The following EML1 variants were observed in gnomAD, a reference collection of about 807,000 sequenced individuals.
The protein encoded by EML1 is EMAP like 1, also known as echinoderm microtubule-associated protein-like 1.
In EML1, 27 loss-of-function variants were observed where a neutral mutation model predicts 110.4. The ratio of observed to expected loss-of-function variants is 0.24; its 90% CI spans 0.18 to 0.34. The LOEUF is 0.34. Among genes scored for constraint, EML1 ranks in the 10% least tolerant of loss-of-function variants. EML1 has a pLI of 1.00. For synonymous variants in EML1, 344 were observed against 385.8 expected (o/e 0.89, Z 1.27); for missense variants, 741 against 1,030.9 (o/e 0.72, Z 3.85).
At chr14:99,801,532 G>A (rs546347862) in intron 1 of EML1, among the ~76,000 whole-genome samples, 26 of 151,950 alleles carry the variant, frequency 1.7e-4, no homozygotes, top group Admixed American at 6.6e-4. Flanking sequence ...GGAGAATGGC[G>A]TGAACCCGGG....
In EML1 at chr14:99,914,379, C is replaced by G; in HGVS notation, c.1620+75C>G. On this transcript the variant is annotated intron_variant, in intron 14 of 21. Coordinates refer to ENST00000262233, the MANE Select transcript of EML1 (RefSeq NM_004434.3). ...TCAGACCCTAATCAAGCATTACAAT[C>G]AGGTGCTTTATACTACGATAACCTT... The G allele has an allele frequency of 3.2e-6, 5 of 1,569,766 alleles. No individual in the cohort carries two copies. The South Asian group carries it at 5.9e-5, about 19-fold the overall frequency.
chr14:99,825,238 G>C (rs149372992), intron 1 of EML1, among the ~76,000 whole-genome samples: 22 of 152,184 alleles, frequency 1.4e-4, no homozygotes, highest in East Asian at 5.8e-4. Context: ...CTCCCACCTT[G>C]GCCTCCCAAA....
intron 16 of EML1, among the ~76,000 whole-genome samples, chr14:99,918,900 T>C (rs760075907): frequency 1.3e-5 from 2 of 152,194 alleles, no homozygotes; most frequent in Non-Finnish European, 2.9e-5. Context: ...GAGCCTCATA[T>C]TCCAATTGAG....
intron 9 of EML1, chr14:99,907,436 G>A: frequency 1.7e-6 from 1 of 588,958 alleles, no homozygotes; most frequent in Non-Finnish European, 3.0e-6. Context: ...CCACTGCACT[G>A]TGACCTGGAT....
At chr14:99,830,469 G>A (rs938557871) in intron 1 of EML1, among the ~76,000 whole-genome samples, 1 of 152,174 alleles carries the variant, frequency 6.6e-6, no homozygotes, top group East Asian at 1.9e-4. Flanking sequence ...GATTGACAAT[G>A]TTATTTTAAT....
intron 1 of EML1, among the ~76,000 whole-genome samples, chr14:99,762,369 C>A (rs955968675): frequency 2.6e-5 from 4 of 152,150 alleles, no homozygotes; most frequent in African/African-American, 9.7e-5. Context: ...AGAAACAGAA[C>A]TTACACCACC....
At chr14:99,841,331 A>T (rs751694022) in intron 1 of EML1, among the ~76,000 whole-genome samples, 28 of 152,232 alleles carry the variant, frequency 1.8e-4, no homozygotes, top group African/African-American at 2.9e-4. Context: ...AGGAATATTC[A>T]TAACAATGGA....
At chr14:99,874,471 G>T (rs764391204) in intron 3 of EML1, among the ~76,000 whole-genome samples, 1 of 152,084 alleles carries the variant, frequency 6.6e-6, no homozygotes, top group Non-Finnish European at 1.5e-5. Flanking sequence ...TTCACTCGCC[G>T]TCCAGAGAGA....
intron 17 of EML1, among the ~76,000 whole-genome samples, chr14:99,935,599 C>T (rs1349708264): frequency 2.0e-5 from 3 of 152,030 alleles, no homozygotes; most frequent in Admixed American, 2.0e-4. Flanking sequence ...CTGGCTAACA[C>T]GTTGAAACCT....
At chr14:99,893,911 C>T (rs11851915) in intron 5 of EML1, among the ~76,000 whole-genome samples, 1,642 of 152,266 alleles carry the variant, frequency 0.011, 36 homozygotes, top group African/African-American at 0.037. Flanking sequence ...GGAGTTACCC[C>T]GTGTTGATAC....
chr14:99,778,561 C>T (rs145699454), intron 1 of EML1, among the ~76,000 whole-genome samples: 262 of 152,230 alleles, frequency 1.7e-3, no homozygotes, highest in African/African-American at 6.1e-3. Flanking sequence ...TTATTTCTCT[C>T]CTGTGTTGAT....
chr14:99,793,450 G>T lies in EML1; in HGVS notation c.-27G>T. 9.6e-7 allele frequency: 1 copy of T among 1,041,388 alleles called. No individual in the cohort carries two copies. The highest frequency in any genetic ancestry group is 1.2e-6 in the Non-Finnish European group (1 of 865,256). The allele number at this position is 1,041,388 out of a possible 1,614,324, so 64.5% of individuals were successfully genotyped here. A position where few individuals can be genotyped will look rare whatever the true frequency, so the allele number is the denominator to read the frequency against. Reference sequence around the variant, plus strand: ...GCGGCGGCGGCGCGGCCGGGCCGGGGAGCGGGCGCGGCCCGGCGGCCTCAG... The same window carrying T: ...GCGGCGGCGGCGCGGCCGGGCCGGGTAGCGGGCGCGGCCCGGCGGCCTCAG... On this transcript the variant is annotated 5_prime_UTR_variant, in exon 1 of 22. Coordinates refer to ENST00000262233, the MANE Select transcript of EML1 (RefSeq NM_004434.3).
At chr14:99,747,472 T>A (rs149444694) in intron 1 of EML1, among the ~76,000 whole-genome samples, 47 of 152,022 alleles carry the variant, frequency 3.1e-4, no homozygotes, top group African/African-American at 1.1e-3. Context: ...CTAAAGTGGG[T>A]TTGGGGCCAC....
chr14:99,940,094 G>T lies in EML1; in HGVS notation c.2430G>T (p.Met810Ile), dbSNP rs1039863595. The change falls in exon 22 of 22, where the codon ATG becomes ATT. Residue 810 changes from methionine (M) to isoleucine (I), a missense_variant. By Grantham distance (10) the Met-to-Ile change is conservative. Coordinates refer to ENST00000262233, the MANE Select transcript of EML1 (RefSeq NM_004434.3). ...CGGGCGGGAAAGACACAAGCATCAT[G>T]CAGTGGCGCGTCATTTAGTACCCAC... is the stretch of plus-strand genomic sequence containing the variant. The part of the protein sequence containing the change: ...ISTGGKDTSI[M>I]QWRVI The T allele has an allele frequency of 6.3e-7, 1 of 1,595,750 alleles. No homozygotes were observed. The highest frequency in any genetic ancestry group is 1.4e-5 in the African/African-American group (1 of 73,978).
At chr14:99,875,046 C>G (rs2059267120) in intron 3 of EML1, 6 of 1,552,290 alleles carry the variant, frequency 3.9e-6, no homozygotes, top group Non-Finnish European at 5.3e-6. Flanking sequence ...GTTTCCATCT[C>G]TGTTTTAACG....
At chr14:99,743,911 T>TA (rs139924368) in intron 1 of EML1, among the ~76,000 whole-genome samples, 3,517 of 152,260 alleles carry the variant, frequency 0.023, 237 homozygotes, top group East Asian at 0.22. Flanking sequence ...AGCTTTAAAA[T>TA]AAAAAAACAG....
At chr14:99,746,326 G>A (rs938228743) in intron 1 of EML1, among the ~76,000 whole-genome samples, 7 of 152,110 alleles carry the variant, frequency 4.6e-5, no homozygotes, top group African/African-American at 1.7e-4. Context: ...TTGGGGGAAG[G>A]GCCTTTATCA....
rs1345884320 is a variant in EML1, at chr14:99,827,120, C to T, written c.68-23733C>T. The stretch of plus-strand genomic sequence containing the variant: ...ATTTACATGTAGAGGGGGATGACCA[C>T]CTGAAGACATGGGGAGAAGACAGCC... On this transcript the variant is annotated intron_variant, in intron 1 of 21. Transcript: ENST00000262233. The surrounding 1 kb of genome is among the most constrained non-coding windows in gnomAD (Gnocchi z 4.4). Among the ~76,000 whole-genome samples the T allele has an allele frequency of 6.6e-6, 1 of 152,096 alleles. No homozygotes were observed. Among genetic ancestry groups the T allele is most frequent in the Non-Finnish European group, 1.5e-5 (1 of 68,032 alleles).
intron 4 of EML1, among the ~76,000 whole-genome samples, chr14:99,880,518 A>AG (rs1261853217): frequency 6.6e-6 from 1 of 152,174 alleles, no homozygotes; most frequent in African/African-American, 2.4e-5. Flanking sequence ...AGGGAAGGAA[A>AG]GGAGTAGGGA....
Sources: allele counts gnomAD v4.1 joint callset (sites outside exome capture counted in the v4.1 genomes callset), GRCh38; gene constraint gnomAD v4.1.1; non-coding constraint Gnocchi (gnomAD v3.1); transcripts MANE v1.5; gene names NCBI Gene and HGNC (gene_info 2026-07-23, HGNC 2026-07-21).